Variants in USH2A observed in about 807,000 individuals in gnomAD.
USH2A encodes the protein usherin, also known as Usher syndrome 2A (autosomal recessive, mild).
In USH2A, 443 loss-of-function variants were observed where a neutral mutation model predicts 538.9. The observed-to-expected ratio is 0.82, with a 90% CI of 0.76 to 0.89. The LOEUF (loss-of-function observed/expected upper bound fraction) is 0.89. Ranked by LOEUF, USH2A falls within the 40% of genes least tolerant of loss-of-function variation. The pLI is 0.00. For missense variants in USH2A, 6,633 were observed against 6,324.8 expected (o/e 1.05, Z -1.65); for synonymous variants, 2,413 against 2,273.5 (o/e 1.06, Z -1.75).
At chr1:216,219,266 A>T (rs2035406183) in intron 14 of USH2A, among the ~76,000 whole-genome samples, 1 of 152,114 alleles carries the variant, frequency 6.6e-6, no homozygotes, top group African/African-American at 2.4e-5. Flanking sequence ...TGTTATAGTC[A>T]ACTTATCTGA....
intron 22 of USH2A, among the ~76,000 whole-genome samples, chr1:216,089,502 A>G (rs2032242348): frequency 6.6e-6 from 1 of 152,248 alleles, no homozygotes; most frequent in Non-Finnish European, 1.5e-5. Flanking sequence ...ATGAAAAAGA[A>G]GAGAAAAATT....
At chr1:215,852,089 G>A (rs1242173520) in intron 44 of USH2A, among the ~76,000 whole-genome samples, 3 of 152,090 alleles carry the variant, frequency 2.0e-5, no homozygotes, top group Admixed American at 2.0e-4. Flanking sequence ...ATACTGAATG[G>A]GGAAAAGTGG....
In USH2A at chr1:216,246,717, T is replaced by C; in HGVS notation, c.2677A>G (p.Asn893Asp). Residue 893 changes from asparagine to aspartate, a missense_variant, in exon 13 of 72, where the codon AAT becomes GAT. Physicochemically the swap from Asn to Asp is conservative, Grantham distance 23. Transcript: ENST00000307340. ...EPHRYNLTIDNFQHCQMCECD... is the reference protein window; with the variant it reads ...EPHRYNLTIDDFQHCQMCECD... ...TCACACATCTGGCAGTGTTGAAAATTGTCAATGGTCAAATTGTACCTGTGA... is the reference window on the plus strand; with the variant it reads ...TCACACATCTGGCAGTGTTGAAAATCGTCAATGGTCAAATTGTACCTGTGA... The C allele has an allele frequency of 6.2e-7, 1 of 1,614,124 alleles. No homozygotes were observed. The highest frequency in any genetic ancestry group is 8.5e-7 in the Non-Finnish European group (1 of 1,179,984).
chr1:215,779,706 G>C, intron 55 of USH2A, 137 bp downstream of exon 55: 3 of 1,011,888 alleles, frequency 3.0e-6, no homozygotes, highest in Non-Finnish European at 4.5e-6. Context: ...GGATAAGTGG[G>C]ACCTGACCAT....
chr1:216,353,353 C>T (rs1040075823), intron 4 of USH2A, among the ~76,000 whole-genome samples: 11 of 151,600 alleles, frequency 7.3e-5, no homozygotes, highest in Admixed American at 7.3e-4. Context: ...CTGGGGGCAC[C>T]GAGATTAAAC....
chr1:216,143,076 C>T (rs1351257432), intron 21 of USH2A, among the ~76,000 whole-genome samples: 2 of 152,036 alleles, frequency 1.3e-5, no homozygotes, highest in Non-Finnish European at 2.9e-5. Context: ...TTTTCAAGGC[C>T]CTTCATCATT....
chr1:216,353,365 A>G (rs892674566), intron 4 of USH2A, among the ~76,000 whole-genome samples: 2 of 152,134 alleles, frequency 1.3e-5, no homozygotes, highest in Non-Finnish European at 2.9e-5. Context: ...AGATTAAACG[A>G]TGCCACATGA....
At chr1:215,775,116 T>C (rs1661425003) in intron 55 of USH2A, among the ~76,000 whole-genome samples, 1 of 152,118 alleles carries the variant, frequency 6.6e-6, no homozygotes, top group Non-Finnish European at 1.5e-5. Flanking sequence ...ATTATCACCA[T>C]CCTAGTTTTC....
intron 14 of USH2A, among the ~76,000 whole-genome samples, chr1:216,222,933 G>A (rs928401789): frequency 2.1e-5 from 3 of 144,758 alleles, no homozygotes; most frequent in South Asian, 4.3e-4. Flanking sequence ...AGCCGAGATT[G>A]CACCATTGCA....
intron 36 of USH2A, 69 bp from the exon 37 acceptor site, chr1:215,965,548 T>G (rs1229927345): frequency 1.3e-6 from 2 of 1,566,060 alleles, no homozygotes; most frequent in Admixed American, 3.5e-5. Context: ...TGAGCATATT[T>G]CTTCAAAGAA....
intron 21 of USH2A, among the ~76,000 whole-genome samples, chr1:216,159,339 G>T (rs879558071): frequency 6.6e-6 from 1 of 152,050 alleles, no homozygotes; most frequent in East Asian, 1.9e-4. Context: ...TTATTAGGAT[G>T]TGTTCTTTCA....
At chr1:215,803,389 A>G (rs1351213547) in intron 49 of USH2A, among the ~76,000 whole-genome samples, 5 of 152,080 alleles carry the variant, frequency 3.3e-5, no homozygotes, top group Admixed American at 6.6e-5. Flanking sequence ...AAACCCCATC[A>G]TCTCAGCCCA....
chr1:215,882,400 G>T (rs66780075), intron 41 of USH2A, among the ~76,000 whole-genome samples: 23,264 of 151,352 alleles, frequency 0.15, 1,874 homozygotes, highest in South Asian at 0.23. Context: ...TACAGAACAA[G>T]ATGTGCAATA....
At chr1:216,379,455 A>C (rs1217805580) in intron 3 of USH2A, among the ~76,000 whole-genome samples, 1 of 148,128 alleles carries the variant, frequency 6.8e-6, no homozygotes, top group Non-Finnish European at 1.5e-5. Flanking sequence ...TTCTCCAGCA[A>C]AAAAAAAAAG....
At chr1:215,867,303 C>T (rs1664500831) in intron 43 of USH2A, 133 bp from the exon 44 acceptor site, 2 of 990,890 alleles carry the variant, frequency 2.0e-6, no homozygotes, top group South Asian at 1.6e-5. Flanking sequence ...TTCTTTTCCT[C>T]CCTAGAAAAT....
rs567361468 is a variant in USH2A at position 216,015,793 on chromosome 1, T to A, written c.6326-15231A>T. ...GTGATGATGAGCATTTTTTCATGTG[T>A]CTGGATCTAGAACTAGAAATACCAC... is the stretch of plus-strand genomic sequence containing the variant. On this transcript the variant is annotated intron_variant, in intron 32 of 71. Coordinates refer to ENST00000307340, the MANE Select transcript of USH2A (RefSeq NM_206933.4). Among the ~76,000 whole-genome samples the A allele has an allele frequency of 1.4e-4, 22 of 152,310 alleles. 1 individual carries two copies. The South Asian group carries it at 4.6e-3, about 32-fold the overall frequency.
At chr1:216,040,440 G>A (rs1438466073) in intron 32 of USH2A, among the ~76,000 whole-genome samples, 1 of 152,002 alleles carries the variant, frequency 6.6e-6, no homozygotes, top group Admixed American at 6.6e-5. Flanking sequence ...CCTCCTTGCC[G>A]GGTTTGGTGG....
intron 30 of USH2A, among the ~76,000 whole-genome samples, chr1:216,054,017 G>A (rs2030887109): frequency 6.6e-6 from 1 of 152,190 alleles, no homozygotes; most frequent in Non-Finnish European, 1.5e-5. Context: ...CATTGGCCTA[G>A]AGAACTTGCA....
At chr1:216,139,363 G>C (rs1363391706) in intron 21 of USH2A, among the ~76,000 whole-genome samples, 1 of 150,426 alleles carries the variant, frequency 6.6e-6, no homozygotes, top group Non-Finnish European at 1.5e-5. Context: ...AGTTATAATG[G>C]ACCCTTGAGT....
Sources: gnomAD v4.1 joint callset for allele counts (sites outside exome capture counted in the v4.1 genomes callset) on GRCh38, gnomAD v4.1.1 for gene constraint, MANE v1.5 for transcripts, NCBI Gene and HGNC (gene_info 2026-07-23, HGNC 2026-07-21) for gene names.